Variants in CDK14 observed in about 807,000 individuals in gnomAD.
CDK14 encodes cyclin dependent kinase 14.
Under a neutral mutation model 60.7 loss-of-function variants are expected in CDK14, and 34 were observed. That is an observed-to-expected ratio of 0.56 (90% CI 0.43 to 0.75). The LOEUF is 0.75. Ranked by LOEUF, CDK14 falls within the 30% of genes least tolerant of loss-of-function variation. CDK14 has a pLI of 0.00. For synonymous variants in CDK14, 197 were observed against 203.7 expected (o/e 0.97, Z 0.28); for missense variants, 482 against 564.1 (o/e 0.85, Z 1.47).
chr7:91,122,970 G>A (rs994272580), intron 14 of CDK14, among the ~76,000 whole-genome samples: 4 of 152,198 alleles, frequency 2.6e-5, no homozygotes, highest in African/African-American at 9.6e-5. Context: ...GGAAGAGACT[G>A]CTGGGCTTAG....
At chr7:91,022,801 T>C (rs1448170468) in intron 10 of CDK14, among the ~76,000 whole-genome samples, 1 of 152,200 alleles carries the variant, frequency 6.6e-6, no homozygotes. Context: ...CTTTAGTTTG[T>C]TTCCATTGTA....
chr7:90,966,599 C>G (rs751258159), intron 9 of CDK14, among the ~76,000 whole-genome samples: 3 of 152,030 alleles, frequency 2.0e-5, no homozygotes, highest in Non-Finnish European at 4.4e-5. Context: ...AGTGCCTCAC[C>G]CTGCTCTCTT....
intron 5 of CDK14, among the ~76,000 whole-genome samples, chr7:90,813,832 G>A (rs1789239489): frequency 6.6e-6 from 1 of 152,152 alleles, no homozygotes; most frequent in Admixed American, 6.5e-5. Flanking sequence ...TCTGAGTTAT[G>A]GCATTGGTTG....
intron 2 of CDK14, among the ~76,000 whole-genome samples, chr7:90,645,740 C>T (rs1800450761): frequency 6.6e-6 from 1 of 152,172 alleles, no homozygotes; most frequent in African/African-American, 2.4e-5. Flanking sequence ...CCTTTAACTT[C>T]TGTTGCTAAA....
chr7:90,789,660 A>G (rs1008443277), intron 4 of CDK14, among the ~76,000 whole-genome samples: 5 of 152,154 alleles, frequency 3.3e-5, no homozygotes, highest in African/African-American at 1.2e-4. Context: ...ATTTTGTGTA[A>G]TAGACTTACA....
intron 2 of CDK14, among the ~76,000 whole-genome samples, chr7:90,633,900 A>C (rs193197378): frequency 6.6e-6 from 1 of 152,152 alleles, no homozygotes. Flanking sequence ...TTTGTTGGAG[A>C]CTTTAGTCGG....
intron 3 of CDK14, among the ~76,000 whole-genome samples, chr7:90,744,156 G>A (rs947599376): frequency 2.6e-5 from 4 of 152,150 alleles, no homozygotes; most frequent in African/African-American, 7.2e-5. Context: ...AGGACCCTGC[G>A]GCCTTCCGCA....
intron 2 of CDK14, among the ~76,000 whole-genome samples, chr7:90,637,835 A>G (rs1800192509): frequency 6.7e-6 from 1 of 148,930 alleles, no homozygotes; most frequent in Non-Finnish European, 1.5e-5. Flanking sequence ...GGGTGCATAT[A>G]TATTTAGGAT....
chr7:91,062,654 A>T (rs1451628675), intron 11 of CDK14, among the ~76,000 whole-genome samples: 1 of 152,202 alleles, frequency 6.6e-6, no homozygotes, highest in Non-Finnish European at 1.5e-5. Context: ...TGTGTATCAA[A>T]TGCTTTCATG....
chr7:91,105,983 A>G (rs1799285162), intron 12 of CDK14, among the ~76,000 whole-genome samples: 1 of 152,208 alleles, frequency 6.6e-6, no homozygotes, highest in African/African-American at 2.4e-5. Context: ...AGAATGGAAA[A>G]CAGGGACAAA....
At chr7:90,701,101 A>G (rs1240136400) in intron 2 of CDK14, among the ~76,000 whole-genome samples, 1 of 152,178 alleles carries the variant, frequency 6.6e-6, no homozygotes, top group Non-Finnish European at 1.5e-5. Flanking sequence ...TTAATTTTTA[A>G]TAACCCTTTT....
rs767090072 is a variant in CDK14 at position 90,955,813 on chromosome 7, A to G, written c.943A>G (p.Met315Val). The G allele has an allele frequency of 4.1e-5, 66 of 1,612,842 alleles. No individual in the cohort carries two copies. The highest frequency in any genetic ancestry group is 1.0e-4 in the Admixed American group (6 of 59,946). The change falls in exon 9 of 15, where the codon ATG becomes GTG. Residue 315 changes from methionine (M) to valine (V), a missense_variant. Coordinates refer to ENST00000380050, the MANE Select transcript of CDK14 (RefSeq NM_001287135.2). ...AACAGAATATTCCACCTGCCTTGAC[A>G]TGTGGTGAGAAATGGAAGCTTTACT... is the stretch of plus-strand genomic sequence containing the variant. ...GSTEYSTCLD[M>V]WGVGCIFVEM...
chr7:90,833,321 C>T (rs1172359492), intron 5 of CDK14, among the ~76,000 whole-genome samples: 1 of 152,132 alleles, frequency 6.6e-6, no homozygotes, highest in Non-Finnish European at 1.5e-5. Flanking sequence ...ATCTGCATGT[C>T]AGAATCCCTT....
At chr7:91,190,402 G>C (rs1191373230) in intron 14 of CDK14, among the ~76,000 whole-genome samples, 4 of 152,206 alleles carry the variant, frequency 2.6e-5, no homozygotes, top group African/African-American at 9.6e-5. Context: ...TAAAACTAAT[G>C]ACCACCACAG....
chr7:90,865,173 G>T (rs1405743763), intron 6 of CDK14, among the ~76,000 whole-genome samples: 1 of 151,984 alleles, frequency 6.6e-6, no homozygotes. Context: ...TGTGAAGTTT[G>T]ATTTTTGTGC....
At chr7:90,895,767 G>A (rs1792318082) in intron 6 of CDK14, among the ~76,000 whole-genome samples, 1 of 144,130 alleles carries the variant, frequency 6.9e-6, no homozygotes, top group South Asian at 2.3e-4. Context: ...GTAGAGATGG[G>A]GTTTTGCCAT....
rs548067304 is a variant in CDK14, at chr7:91,006,101, C to T, written c.1041+21860C>T. ...ACCGCTGGACCCCGTAGACAGGCAG[C>T]GCCTGGACTGCAGGGCATCTGGGAA... On this transcript the variant is annotated intron_variant, in intron 10 of 14. Transcript: ENST00000380050. Among the ~76,000 whole-genome samples, 7 of 152,372 alleles carry T rather than the reference C, an allele frequency of 4.6e-5. No homozygotes were observed. In the South Asian group the frequency reaches 1.2e-3, roughly 27 times the overall value.
intron 9 of CDK14, among the ~76,000 whole-genome samples, chr7:90,983,547 G>A (rs977396628): frequency 6.6e-6 from 1 of 152,044 alleles, no homozygotes. Context: ...AGGCATGGTG[G>A]CAGGCACCTG....
chr7:90,895,881 TTTCTCATTCTTAA>T (rs1792321999), intron 6 of CDK14, among the ~76,000 whole-genome samples: 1 of 151,612 alleles, frequency 6.6e-6, no homozygotes, highest in Non-Finnish European at 1.5e-5. Context: ...CACCCTTGTT[TTTCTCATTCTTAA>T]TGTTGATTAT....
Sources: gnomAD v4.1 joint callset for allele counts (sites outside exome capture counted in the v4.1 genomes callset) on GRCh38, gnomAD v4.1.1 for gene constraint, MANE v1.5 for transcripts, NCBI Gene and HGNC (gene_info 2026-07-23, HGNC 2026-07-21) for gene names.